CELF1: variants seen among roughly 807,000 people sequenced by gnomAD.
CELF1 encodes 50 kDa nuclear polyadenylated RNA-binding protein.
In CELF1, 10 loss-of-function variants were observed where a neutral mutation model predicts 61.8. The ratio of observed to expected loss-of-function variants is 0.16; its 90% CI spans 0.10 to 0.27. The LOEUF is 0.27. Ranked by LOEUF, CELF1 falls within the 10% of genes least tolerant of loss-of-function variation. CELF1 has a pLI of 1.00. For missense variants in CELF1, 380 were observed against 639.1 expected (o/e 0.59, Z 4.37); for synonymous variants, 236 against 225.1 (o/e 1.05, Z -0.43).
At chr11:47,560,026 G>A (rs867012423) in intron 2 of CELF1, among the ~76,000 whole-genome samples, 3 of 150,404 alleles carry the variant, frequency 2.0e-5, no homozygotes, top group African/African-American at 7.3e-5. Flanking sequence ...AAAGCCAGAC[G>A]TTGTGGCTCA....
Position 47,467,204 on chromosome 11 carries a change from TC to T in CELF1, c.*5025del. On this transcript the variant is annotated 3_prime_UTR_variant, in exon 15 of 15. Transcript: ENST00000687097. Reference sequence around the variant, plus strand: ...CTGGGTGGGATCTATCATCAGCTCCTCCCCCTGTAACCTCTTCCCTCCACAG... The same window carrying T: ...CTGGGTGGGATCTATCATCAGCTCCTCCCCTGTAACCTCTTCCCTCCACAG... 6.6e-6 allele frequency: 1 copy of T among 152,210 alleles called. No homozygotes were observed. Among genetic ancestry groups the T allele is most frequent in the East Asian group, 1.9e-4 (1 of 5,144 alleles). 9.4% of individuals were successfully genotyped at this position (152,210 alleles called of 1,614,324 possible). A position where few individuals can be genotyped will look rare whatever the true frequency, so the allele number is the denominator to read the frequency against.
In CELF1 at chr11:47,541,789, AGAAC is replaced by A. The variant is rs1475168771; in HGVS notation, c.-154+11199_-154+11202del. On this transcript the variant is annotated intron_variant, in intron 1 of 14. Transcript: ENST00000687097. ...AAGAACGAAAGAAAGAACGAAAGAA[AGAAC>A]GAAAGAAAGAAAGAAAGAAAGAAAG... 2.1e-3 allele frequency among the ~76,000 whole-genome samples: 54 copies of A among 26,082 alleles called. 7 individuals carry two copies. The highest frequency in any genetic ancestry group is 4.6e-3 in the African/African-American group (50 of 10,856). 17.1% of individuals were successfully genotyped at this position (26,082 alleles called of 152,430 possible).
intron 2 of CELF1, among the ~76,000 whole-genome samples, chr11:47,559,524 A>AT (rs1380213441): frequency 6.6e-6 from 1 of 151,998 alleles, no homozygotes; most frequent in East Asian, 1.9e-4. Context: ...TGCCCAGGTA[A>AT]TTTTTTATAG....
intron 1 of CELF1, among the ~76,000 whole-genome samples, chr11:47,510,230 C>G (rs932966337): frequency 6.6e-6 from 1 of 152,184 alleles, no homozygotes; most frequent in Non-Finnish European, 1.5e-5. Context: ...GCTCTCAGAT[C>G]CTCTAAAAGC....
intron 2 of CELF1, chr11:47,564,208 G>C (rs539127592): frequency 6.6e-6 from 1 of 150,724 alleles, no homozygotes; most frequent in African/African-American, 2.4e-5. Context: ...AGCCGGGCGC[G>C]GTGGCTCATG....
intron 1 of CELF1, among the ~76,000 whole-genome samples, chr11:47,530,598 C>T (rs2096435510): frequency 6.6e-6 from 1 of 152,186 alleles, no homozygotes; most frequent in African/African-American, 2.4e-5. Context: ...AATTAAGAAG[C>T]GGTATCAGAG....
At position 47,466,641 on chromosome 11, in the gene CELF1, C is replaced by G; in HGVS notation, c.*5589G>C. On this transcript the variant is annotated 3_prime_UTR_variant, in exon 15 of 15. Transcript: ENST00000687097. ...CAGCTGCCGCTCCAGGGTCTCAAAT[C>G]CATTAAAACCACCACAGAACAATTA... 6.6e-6 allele frequency: 1 copy of G among 151,846 alleles called. No homozygotes were observed. The highest frequency in any genetic ancestry group is 1.5e-5 in the Non-Finnish European group (1 of 67,974). The allele number at this position is 151,846 out of a possible 1,614,324, so 9.4% of individuals were successfully genotyped here.
intron 1 of CELF1, among the ~76,000 whole-genome samples, chr11:47,508,104 G>A (rs548530812): frequency 1.3e-5 from 2 of 152,154 alleles, no homozygotes; most frequent in Non-Finnish European, 2.9e-5. Context: ...TTCTTGGTAG[G>A]TCTGTCTCTC....
intron 1 of CELF1, among the ~76,000 whole-genome samples, chr11:47,541,870 A>G (rs934666447): frequency 1.1e-4 from 17 of 152,068 alleles, no homozygotes; most frequent in African/African-American, 3.9e-4. Flanking sequence ...AATTAAAAGT[A>G]TAACAGTACA....
In CELF1 at chr11:47,503,378, T is replaced by C. The variant is rs145315811; in HGVS notation, c.-153-2446A>G. On this transcript the variant is annotated intron_variant, in intron 1 of 14. Transcript: ENST00000687097. Reference sequence around the variant, plus strand: ...TACCTTGATAGATATAACCAGGGAGTTCTACAACAGGTGAACAGATTTTAC... The same window carrying C: ...TACCTTGATAGATATAACCAGGGAGCTCTACAACAGGTGAACAGATTTTAC... 1.9e-3 allele frequency among the ~76,000 whole-genome samples: 289 copies of C among 151,990 alleles called. 1 individual carries two copies. Among genetic ancestry groups the C allele is most frequent in the Middle Eastern group, 0.014 (4 of 294 alleles).
chr11:47,528,601 A>G (rs1257217233), intron 1 of CELF1, among the ~76,000 whole-genome samples: 1 of 152,062 alleles, frequency 6.6e-6, no homozygotes, highest in Non-Finnish European at 1.5e-5. Context: ...CATGGAAAAA[A>G]GCAAGATCCT....
intron 1 of CELF1, among the ~76,000 whole-genome samples, chr11:47,564,713 C>T (rs1034889886): frequency 6.6e-6 from 1 of 152,270 alleles, no homozygotes; most frequent in Admixed American, 6.5e-5. Flanking sequence ...ATCGTTTGAA[C>T]CCGGGAGGCG....
chr11:47,474,557 T>G (rs867168895), intron 13 of CELF1, among the ~76,000 whole-genome samples: 3 of 152,224 alleles, frequency 2.0e-5, no homozygotes, highest in Non-Finnish European at 2.9e-5. Flanking sequence ...CAGTCTCCAC[T>G]AAAATATTGG....
chr11:47,534,981 A>T (rs1480485028), intron 1 of CELF1, among the ~76,000 whole-genome samples: 1 of 152,132 alleles, frequency 6.6e-6, no homozygotes, highest in East Asian at 1.9e-4. Context: ...AACAGTCAGA[A>T]TTAGAAAAAA....
chr11:47,508,831 C>T (rs564522954), intron 1 of CELF1, among the ~76,000 whole-genome samples: 4 of 152,268 alleles, frequency 2.6e-5, no homozygotes, highest in East Asian at 1.9e-4. Context: ...AGTGCAATGA[C>T]GCGATCTCGG....
intron 11 of CELF1, 77 bp from the exon 12 acceptor site, chr11:47,477,036 AAGTATGCT>A: frequency 2.4e-6 from 3 of 1,247,088 alleles, no homozygotes; most frequent in Non-Finnish European, 3.5e-6. Flanking sequence ...GTCACTATCC[AAGTATGCT>A]ATTTGTAAAG....
intron 13 of CELF1, among the ~76,000 whole-genome samples, 197 bp downstream of exon 13, chr11:47,475,139 G>A (rs1193792936): frequency 6.6e-6 from 1 of 152,232 alleles, no homozygotes; most frequent in South Asian, 2.1e-4. Context: ...CAGAGGTTCT[G>A]ATTTGAGCCA....
chr11:47,561,404 C>A (rs1232107274), intron 2 of CELF1, among the ~76,000 whole-genome samples: 2 of 130,388 alleles, frequency 1.5e-5, no homozygotes, highest in African/African-American at 5.7e-5. Flanking sequence ...GATCGCACCA[C>A]TGCACTCCAG....
At chr11:47,541,604 C>A (rs2096775262) in intron 1 of CELF1, among the ~76,000 whole-genome samples, 1 of 150,720 alleles carries the variant, frequency 6.6e-6, no homozygotes, top group Non-Finnish European at 1.5e-5. Context: ...GCAGGAGAAT[C>A]GCTTGAACCC....
Sources: allele counts gnomAD v4.1 joint callset (sites outside exome capture counted in the v4.1 genomes callset), GRCh38; gene constraint gnomAD v4.1.1; transcripts MANE v1.5; gene names NCBI Gene and HGNC (gene_info 2026-07-23, HGNC 2026-07-21).